HCRTR2: variants seen among roughly 807,000 people sequenced by gnomAD.
HCRTR2 encodes hypocretin receptor 2.
Under a neutral mutation model 49.0 loss-of-function variants are expected in HCRTR2, and 22 were observed. The ratio of observed to expected loss-of-function variants is 0.45; its 90% CI spans 0.32 to 0.64. The LOEUF is 0.64. Among genes scored for constraint, HCRTR2 ranks in the 30% least tolerant of loss-of-function variants. The pLI is 0.04. For synonymous variants in HCRTR2, 236 were observed against 205.3 expected, an observed-to-expected ratio of 1.15 and a Z score of -1.28; for missense variants, 491 against 559.4, an observed-to-expected ratio of 0.88 and a Z score of 1.23.
At chr6:55,132,136 G>A (rs1349993448) in intron 1 of HCRTR2, among the ~76,000 whole-genome samples, 1 of 151,418 alleles carries the variant, frequency 6.6e-6, no homozygotes, top group Non-Finnish European at 1.5e-5. Flanking sequence ...TTATATTTTT[G>A]AATAAACATA....
intron 1 of HCRTR2, among the ~76,000 whole-genome samples, chr6:55,111,065 A>G (rs924233852): frequency 6.6e-6 from 1 of 152,148 alleles, no homozygotes; most frequent in Non-Finnish European, 1.5e-5. Context: ...ATCAACTTCA[A>G]AAGGAACTCT....
intron 1 of HCRTR2, among the ~76,000 whole-genome samples, chr6:55,208,854 C>A (rs989855756): frequency 1.6e-4 from 25 of 152,220 alleles, no homozygotes; most frequent in African/African-American, 5.5e-4. Context: ...AATAAAAGAA[C>A]CATGCATTAA....
intron 1 of HCRTR2, among the ~76,000 whole-genome samples, chr6:55,223,540 G>T (rs930319564): frequency 6.6e-6 from 1 of 152,138 alleles, no homozygotes; most frequent in African/African-American, 2.4e-5. Context: ...TTTTCGATTG[G>T]TAGAGGGAAG....
At chr6:55,106,785 AC>A (rs1365703898) in intron 1 of HCRTR2, among the ~76,000 whole-genome samples, 2 of 151,866 alleles carry the variant, frequency 1.3e-5, no homozygotes, top group African/African-American at 2.4e-5. Context: ...TCCTGACAAA[AC>A]CCTGGGTTAA....
At chr6:55,157,679 C>T (rs548248761) in intron 1 of HCRTR2, among the ~76,000 whole-genome samples, 1 of 152,272 alleles carries the variant, frequency 6.6e-6, no homozygotes, top group East Asian at 1.9e-4. Flanking sequence ...AGGCAGCCAG[C>T]AAAGAGAGAG....
At chr6:55,179,532 G>T (rs1490440740) in intron 1 of HCRTR2, among the ~76,000 whole-genome samples, 1 of 152,042 alleles carries the variant, frequency 6.6e-6, no homozygotes, top group Non-Finnish European at 1.5e-5. Flanking sequence ...TTTTAAGATG[G>T]CTATTTCATA....
chr6:55,242,167 G>T (rs1187978443), intron 1 of HCRTR2, among the ~76,000 whole-genome samples: 1 of 152,078 alleles, frequency 6.6e-6, no homozygotes, highest in Non-Finnish European at 1.5e-5. Flanking sequence ...ACCACTCCCA[G>T]TCGGCAACTA....
intron 1 of HCRTR2, among the ~76,000 whole-genome samples, chr6:55,116,439 C>G (rs960484468): frequency 6.7e-6 from 1 of 149,234 alleles, no homozygotes; most frequent in African/African-American, 2.5e-5. Flanking sequence ...TAAAATACTT[C>G]TAGGGGGAGA....
At chr6:55,210,436 G>A (rs1303214222) in intron 1 of HCRTR2, among the ~76,000 whole-genome samples, 1 of 152,006 alleles carries the variant, frequency 6.6e-6, no homozygotes, top group East Asian at 1.9e-4. Flanking sequence ...ATCAGGGGTG[G>A]ACATCTGGCC....
intron 5 of HCRTR2, among the ~76,000 whole-genome samples, chr6:55,278,755 A>T (rs543402704): frequency 2.7e-5 from 4 of 146,750 alleles, no homozygotes; most frequent in Non-Finnish European, 3.0e-5. Flanking sequence ...TATTATTATT[A>T]TTTTTGCTAA....
intron 4 of HCRTR2, among the ~76,000 whole-genome samples, chr6:55,274,034 A>C (rs1767025591): frequency 6.6e-6 from 1 of 151,714 alleles, no homozygotes; most frequent in African/African-American, 2.4e-5. Flanking sequence ...GGTCTTTTGC[A>C]CTTTCATAAA....
chr6:55,125,517 C>A (rs1284769578), intron 1 of HCRTR2, among the ~76,000 whole-genome samples: 1 of 152,124 alleles, frequency 6.6e-6, no homozygotes, highest in Non-Finnish European at 1.5e-5. Flanking sequence ...TGTGGGTAAC[C>A]CGACCTTTCT....
chr6:55,251,274 T>G (rs1054402913), intron 2 of HCRTR2, among the ~76,000 whole-genome samples: 5 of 152,144 alleles, frequency 3.3e-5, no homozygotes, highest in African/African-American at 9.7e-5. Context: ...CTTTTTCTTC[T>G]AAATACAATA....
intron 1 of HCRTR2, among the ~76,000 whole-genome samples, chr6:55,153,900 G>A (rs1267247076): frequency 6.6e-6 from 1 of 151,428 alleles, no homozygotes; most frequent in Admixed American, 6.6e-5. Context: ...CCCTTACCTT[G>A]ACTAAAAAAA....
chr6:55,124,616 G>A (rs970311207), intron 1 of HCRTR2, among the ~76,000 whole-genome samples: 1 of 152,152 alleles, frequency 6.6e-6, no homozygotes, highest in Non-Finnish European at 1.5e-5. Flanking sequence ...TTCTGTAGAT[G>A]TCTATTAATC....
At chr6:55,137,707 C>T (rs1764451632) in intron 1 of HCRTR2, among the ~76,000 whole-genome samples, 1 of 152,092 alleles carries the variant, frequency 6.6e-6, no homozygotes, top group African/African-American at 2.4e-5. Flanking sequence ...TTGATTATGC[C>T]ATTCACTGAG....
chr6:55,166,491 A>C (rs1429873814), intron 1 of HCRTR2, among the ~76,000 whole-genome samples: 1 of 152,074 alleles, frequency 6.6e-6, no homozygotes, highest in Non-Finnish European at 1.5e-5. Flanking sequence ...TAAAACACAC[A>C]CAACGCACAC....
At chr6:55,139,240 C>T (rs984932536) in intron 1 of HCRTR2, among the ~76,000 whole-genome samples, 6 of 152,136 alleles carry the variant, frequency 3.9e-5, no homozygotes, top group South Asian at 2.1e-4. Context: ...TGGTAGCAGC[C>T]GTTTGAGGTT....
chr6:55,132,938 G>C (rs75273880), intron 1 of HCRTR2, among the ~76,000 whole-genome samples: 3,157 of 151,770 alleles, frequency 0.021, 212 homozygotes, highest in Admixed American at 0.14. Context: ...AGTTACAGAA[G>C]ACTTTTCAAA....
Sources: allele counts gnomAD v4.1 joint callset (sites outside exome capture counted in the v4.1 genomes callset), GRCh38; gene constraint gnomAD v4.1.1; transcripts MANE v1.5; gene names NCBI Gene and HGNC (gene_info 2026-07-23, HGNC 2026-07-21).